The following FAM168A variants were observed in gnomAD, a reference collection of about 807,000 sequenced individuals.
The protein encoded by FAM168A is family with sequence similarity 168 member A.
A neutral mutation model predicts 28.5 loss-of-function variants in FAM168A; 3 were observed. That is an observed-to-expected ratio of 0.11 (90% CI 0.05 to 0.27). FAM168A has a LOEUF of 0.27. Among genes scored for constraint, FAM168A ranks in the 10% least tolerant of loss-of-function variants. The pLI is 1.00. For synonymous variants in FAM168A, 122 were observed against 124.2 expected (o/e 0.98, Z 0.12); for missense variants, 222 against 311.5 (o/e 0.71, Z 2.16).
chr11:73,512,007 T>C (rs1269120254), intron 1 of FAM168A, among the ~76,000 whole-genome samples: 1 of 152,176 alleles, frequency 6.6e-6, no homozygotes, highest in African/African-American at 2.4e-5. Flanking sequence ...TGCGAACAGC[T>C]TGCAAACAGG....
intron 1 of FAM168A, among the ~76,000 whole-genome samples, chr11:73,534,105 T>A (rs1943547541): frequency 6.6e-6 from 1 of 152,186 alleles, no homozygotes; most frequent in African/African-American, 2.4e-5. Flanking sequence ...GATACAGACA[T>A]CTTCATAGAG....
chr11:73,595,847 A>G (rs1463367357), intron 1 of FAM168A, among the ~76,000 whole-genome samples: 1 of 152,284 alleles, frequency 6.6e-6, no homozygotes, highest in Non-Finnish European at 1.5e-5. Context: ...AGAAAATTCA[A>G]TCTTTAGAAA....
At chr11:73,424,740 ATTTG>A (rs1460501644) in intron 3 of FAM168A, among the ~76,000 whole-genome samples, 2 of 152,144 alleles carry the variant, frequency 1.3e-5, no homozygotes, top group Non-Finnish European at 2.9e-5. Flanking sequence ...ATTTTTATTC[ATTTG>A]TTTGTTTGAA....
intron 1 of FAM168A, among the ~76,000 whole-genome samples, chr11:73,501,441 G>A (rs903427292): frequency 6.6e-6 from 1 of 152,194 alleles, no homozygotes; most frequent in African/African-American, 2.4e-5. Flanking sequence ...CTAATTGGAA[G>A]CAAAACACTT....
intron 1 of FAM168A, among the ~76,000 whole-genome samples, chr11:73,509,805 A>C (rs776730226): frequency 6.6e-6 from 1 of 151,966 alleles, no homozygotes; most frequent in Non-Finnish European, 1.5e-5. Context: ...GTATGTGTTC[A>C]CTTTCCCTCC....
At chr11:73,534,589 GA>G (rs1943553755) in intron 1 of FAM168A, among the ~76,000 whole-genome samples, 2 of 151,966 alleles carry the variant, frequency 1.3e-5, no homozygotes, top group South Asian at 4.1e-4. Context: ...TTTTAGTAGA[GA>G]CGGGGTTTCG....
Position 73,494,421 on chromosome 11 carries a change from GTCTAAGGC to G in FAM168A, c.-18-25937_-18-25930del, listed in dbSNP as rs1316809793. Among the ~76,000 whole-genome samples the G allele has an allele frequency of 2.6e-5, 4 of 152,276 alleles. No homozygotes were observed. The South Asian group carries it at 8.3e-4, about 32-fold the overall frequency. ...AGACACTGAGCCATTGCAGTGGGAG[GTCTAAGGC>G]TCTGAATCAGGAACTGTTACATTCC... On this transcript the variant is annotated intron_variant, in intron 1 of 7. Transcript: ENST00000356467.
At chr11:73,544,993 AG>A (rs1943721348) in intron 1 of FAM168A, among the ~76,000 whole-genome samples, 8 of 77,894 alleles carry the variant, frequency 1.0e-4, no homozygotes, top group African/African-American at 4.2e-4. Context: ...TTTTATATAT[AG>A]TATATATAAT....
At chr11:73,514,788 A>C (rs1421010956) in intron 1 of FAM168A, among the ~76,000 whole-genome samples, 1 of 152,074 alleles carries the variant, frequency 6.6e-6, no homozygotes, top group Admixed American at 6.5e-5. Context: ...AGCCATGATT[A>C]CAGTACTGCA....
intron 1 of FAM168A, among the ~76,000 whole-genome samples, chr11:73,540,938 C>T (rs1943646056): frequency 6.6e-6 from 1 of 152,074 alleles, no homozygotes; most frequent in African/African-American, 2.4e-5. Flanking sequence ...GGTACGGTGG[C>T]TCGTGCCAGT....
chr11:73,564,737 C>T (rs1257615798), intron 1 of FAM168A, among the ~76,000 whole-genome samples: 1 of 122,308 alleles, frequency 8.2e-6, no homozygotes, highest in African/African-American at 3.3e-5. Context: ...AGTGAGACTC[C>T]GTCACAAAAA....
At chr11:73,490,349 G>C (rs1868111128) in intron 1 of FAM168A, among the ~76,000 whole-genome samples, 1 of 152,194 alleles carries the variant, frequency 6.6e-6, no homozygotes, top group South Asian at 2.1e-4. Flanking sequence ...AGCAGCCAGA[G>C]TGGCTCTCTG....
chr11:73,415,302 C>T (rs148755981), intron 4 of FAM168A, among the ~76,000 whole-genome samples: 9 of 152,318 alleles, frequency 5.9e-5, no homozygotes, highest in Admixed American at 2.6e-4. Flanking sequence ...TTAAGACCAA[C>T]GTAAACATTT....
chr11:73,430,644 C>A (rs1450650374), intron 3 of FAM168A, 46 bp downstream of exon 3: 2 of 1,549,962 alleles, frequency 1.3e-6, no homozygotes, highest in Admixed American at 1.7e-5. Flanking sequence ...CAAATAGAGT[C>A]CCCCTTCCCA....
At chr11:73,583,326 A>C (rs563514021) in intron 1 of FAM168A, among the ~76,000 whole-genome samples, 4 of 151,760 alleles carry the variant, frequency 2.6e-5, no homozygotes, top group Admixed American at 1.3e-4. Context: ...AACAAACAAA[A>C]AAAACTCAGC....
intron 1 of FAM168A, among the ~76,000 whole-genome samples, chr11:73,476,707 A>C (rs1867893526): frequency 6.6e-6 from 1 of 152,174 alleles, no homozygotes; most frequent in East Asian, 1.9e-4. Context: ...AACCACACTT[A>C]AAGAATTAAA....
chr11:73,588,717 T>A (rs1944346458), intron 1 of FAM168A, among the ~76,000 whole-genome samples: 1 of 152,100 alleles, frequency 6.6e-6, no homozygotes, highest in Non-Finnish European at 1.5e-5. Context: ...AACTCAATAA[T>A]ATAGACTGAA....
chr11:73,566,530 T>A (rs903915069), intron 1 of FAM168A, among the ~76,000 whole-genome samples: 5 of 152,170 alleles, frequency 3.3e-5, no homozygotes, highest in Non-Finnish European at 7.3e-5. Context: ...AATAGCCCTT[T>A]TTAGGGCTAC....
In FAM168A at chr11:73,418,995, G is replaced by A. The variant is rs561953341; in HGVS notation, c.277+879C>T. 5.3e-5 allele frequency among the ~76,000 whole-genome samples: 8 copies of A among 151,918 alleles called. 1 individual carries two copies. The South Asian group carries it at 6.2e-4, about 12-fold the overall frequency. On this transcript the variant is annotated intron_variant, in intron 4 of 7. Coordinates refer to ENST00000356467, the MANE Select transcript of FAM168A (RefSeq NM_015159.3). ...GGCTAATTTTTTTTGTATTTTTAGT[G>A]GAGACAGGGTTTCACCGTGTTAGCC...
Sources: allele counts gnomAD v4.1 joint callset (sites outside exome capture counted in the v4.1 genomes callset), GRCh38; gene constraint gnomAD v4.1.1; transcripts MANE v1.5; gene names NCBI Gene and HGNC (gene_info 2026-07-23, HGNC 2026-07-21).